The following ENTREP2 variants were observed in gnomAD, a reference collection of about 807,000 sequenced individuals.
ENTREP2 encodes protein ENTREP2.
At chr15:29,464,422 G>A in the ENTREP2 span, among the ~76,000 whole-genome samples, 1 of 152,096 alleles carries the variant, frequency 6.6e-6, no homozygotes. Flanking sequence ...AGATTTTTAA[G>A]CATTAATTTT....
At chr15:29,195,201 C>G in the ENTREP2 span, 103 of 985,408 alleles carry the variant, frequency 1.0e-4, no homozygotes, top group African/African-American at 1.6e-3. Flanking sequence ...GCTGCTGGGA[C>G]CATCCAACTT....
the ENTREP2 span, chr15:29,196,488 TC>T: frequency 1.3e-6 from 2 of 1,551,664 alleles, no homozygotes; most frequent in Non-Finnish European, 1.7e-6. Context: ...CTTCAGCGTC[TC>T]CCCGAGGTTG....
At chr15:29,596,342 C>G in the ENTREP2 span, among the ~76,000 whole-genome samples, 28 of 152,352 alleles carry the variant, frequency 1.8e-4, no homozygotes, top group African/African-American at 6.5e-4. Flanking sequence ...CCAGACTCCT[C>G]TCTTTATCTG....
chr15:29,184,210 C>A, the ENTREP2 span, among the ~76,000 whole-genome samples: 5 of 152,194 alleles, frequency 3.3e-5, no homozygotes, highest in Non-Finnish European at 7.3e-5. Flanking sequence ...GTCTGAAACT[C>A]CTGAGCTCAA....
At chr15:29,242,046 T>C in the ENTREP2 span, among the ~76,000 whole-genome samples, 1 of 152,150 alleles carries the variant, frequency 6.6e-6, no homozygotes, top group African/African-American at 2.4e-5. Flanking sequence ...CTGGACCCTG[T>C]CTCTAAAAAA....
chr15:29,284,556 C>CAAAAAAAAAAAAAA, the ENTREP2 span, among the ~76,000 whole-genome samples: 1 of 125,488 alleles, frequency 8.0e-6, no homozygotes. Context: ...GACTCCATCT[C>CAAAAAAAAAAAAAA]AAAAAAAAAA....
the ENTREP2 span, among the ~76,000 whole-genome samples, chr15:29,552,451 A>G: frequency 0.36 from 54,730 of 151,830 alleles, 9,882 homozygotes; most frequent in East Asian, 0.42. Flanking sequence ...ACAAAAAGGA[A>G]AGCAGGGCAC....
At chr15:29,321,194 A>C in the ENTREP2 span, among the ~76,000 whole-genome samples, 1 of 152,148 alleles carries the variant, frequency 6.6e-6, no homozygotes, top group African/African-American at 2.4e-5. Flanking sequence ...ATCTAGAAAG[A>C]AACCAGAGAA....
the ENTREP2 span, among the ~76,000 whole-genome samples, chr15:29,332,946 C>G: frequency 7.5e-6 from 1 of 133,438 alleles, no homozygotes; most frequent in Admixed American, 8.3e-5. Flanking sequence ...GTAACAAAAG[C>G]GAAACTCCAT....
chr15:29,620,342 G>A, the ENTREP2 span, among the ~76,000 whole-genome samples: 484 of 152,224 alleles, frequency 3.2e-3, 6 homozygotes, highest in African/African-American at 0.011. Context: ...GGTTGCTGCA[G>A]GCCGGGTTGC....
the ENTREP2 span, among the ~76,000 whole-genome samples, chr15:29,440,302 C>T: frequency 6.6e-6 from 1 of 152,170 alleles, no homozygotes; most frequent in African/African-American, 2.4e-5. Context: ...ATGATTAATA[C>T]AGGAGTCCCC....
chr15:29,480,201 T>C, the ENTREP2 span, among the ~76,000 whole-genome samples: 1 of 152,060 alleles, frequency 6.6e-6, no homozygotes, highest in Non-Finnish European at 1.5e-5. Context: ...AGTATGCTTT[T>C]AATAACATGT....
the ENTREP2 span, among the ~76,000 whole-genome samples, chr15:29,383,040 G>C: frequency 2.6e-5 from 4 of 151,810 alleles, no homozygotes; most frequent in Admixed American, 6.6e-5. Flanking sequence ...CTCCTCCACA[G>C]CCTCCCTCCT....
At chr15:29,409,973 T>C in the ENTREP2 span, among the ~76,000 whole-genome samples, 5 of 152,170 alleles carry the variant, frequency 3.3e-5, no homozygotes, top group Admixed American at 1.3e-4. Context: ...AGGACCAATA[T>C]GGACTGCTCG....
the ENTREP2 span, among the ~76,000 whole-genome samples, chr15:29,327,118 G>C: frequency 1.3e-5 from 2 of 152,066 alleles, no homozygotes; most frequent in African/African-American, 4.8e-5. Context: ...AGTTCTTTAA[G>C]AAAACACAGA....
chr15:29,252,405 T>C, the ENTREP2 span: 1 of 1,551,242 alleles, frequency 6.4e-7, no homozygotes, highest in Non-Finnish European at 8.7e-7. Flanking sequence ...TAGCTGAGCA[T>C]TCTGACAAGA....
chr15:29,256,437 A>C, the ENTREP2 span, among the ~76,000 whole-genome samples: 2 of 152,260 alleles, frequency 1.3e-5, no homozygotes, highest in East Asian at 3.8e-4. Flanking sequence ...CAACCATGCC[A>C]AAAACTATTT....
At chr15:29,243,399 C>T in the ENTREP2 span, among the ~76,000 whole-genome samples, 189 of 152,058 alleles carry the variant, frequency 1.2e-3, 1 homozygote, top group Middle Eastern at 6.8e-3. Context: ...TCAATCTGAG[C>T]GATGATTAGG....
chr15:29,598,579 C>T, the ENTREP2 span, among the ~76,000 whole-genome samples: 1 of 152,196 alleles, frequency 6.6e-6, no homozygotes, highest in Non-Finnish European at 1.5e-5. Context: ...GATATTTTAT[C>T]ACTAAGATTA....
Sources: allele counts gnomAD v4.1 joint callset (sites outside exome capture counted in the v4.1 genomes callset), GRCh38; gene constraint gnomAD v4.1.1; transcripts MANE v1.5; gene names NCBI Gene and HGNC (gene_info 2026-07-23, HGNC 2026-07-21).